JAKMIP1: variants seen among roughly 807,000 people sequenced by gnomAD.
The protein encoded by JAKMIP1 is janus kinase and microtubule interacting protein 1, also known as janus kinase and microtubule-interacting protein 1.
JAKMIP1 carries 33 observed loss-of-function variants against 113.0 expected under a neutral mutation model. That is an observed-to-expected ratio of 0.29 (90% CI 0.22 to 0.39). The LOEUF (loss-of-function observed/expected upper bound fraction) is 0.39. Among genes scored for constraint, JAKMIP1 ranks in the 10% least tolerant of loss-of-function variants. The pLI is 1.00. For synonymous variants in JAKMIP1, 480 were observed against 459.9 expected (o/e 1.04, Z -0.56); for missense variants, 813 against 1,080.5 (o/e 0.75, Z 3.47).
At position 6,102,985 on chromosome 4, in the gene JAKMIP1, G is replaced by A. The variant is rs1052555651; in HGVS notation, c.624+2488C>T. Among the ~76,000 whole-genome samples, 6 of 151,576 alleles carry A rather than the reference G, an allele frequency of 4.0e-5. No homozygotes were observed. The South Asian group carries it at 8.3e-4, about 21-fold the overall frequency. On this transcript the variant is annotated intron_variant, in intron 3 of 20. Coordinates refer to ENST00000409021, the MANE Select transcript of JAKMIP1 (RefSeq NM_001099433.2). ...CCTAAACTCGTGATCTGCCTGCCTC[G>A]GCCTCCCAATGAAACTTTTATTTAT...
intron 3 of JAKMIP1, among the ~76,000 whole-genome samples, chr4:6,102,297 TG>T (rs1713172052): frequency 1.3e-5 from 2 of 152,380 alleles, no homozygotes; most frequent in South Asian, 4.1e-4. Flanking sequence ...ATGTTCTGAA[TG>T]TGTCTCACAA....
chr4:6,083,241 A>G (rs1021266493), intron 5 of JAKMIP1, among the ~76,000 whole-genome samples: 9 of 151,978 alleles, frequency 5.9e-5, no homozygotes, highest in Non-Finnish European at 1.3e-4. Flanking sequence ...CATCTCTACT[A>G]AAAATACAAA....
Position 6,179,391 on chromosome 4 carries a change from C to A in JAKMIP1, c.-148+20862G>T, listed in dbSNP as rs1211067058. Among the ~76,000 whole-genome samples, 1 of 152,176 alleles carries A rather than the reference C, an allele frequency of 6.6e-6. No individual in the cohort carries two copies. Among genetic ancestry groups the A allele is most frequent in the Non-Finnish European group, 1.5e-5 (1 of 68,030 alleles). On this transcript the variant is annotated intron_variant, in intron 1 of 20. Coordinates refer to ENST00000409021, the MANE Select transcript of JAKMIP1 (RefSeq NM_001099433.2). The surrounding 1 kb of genome is among the most constrained non-coding windows in gnomAD (Gnocchi z 4.5). ...CTCAGTAAATGCAACAGCCAAGAGG[C>A]AGACTGGATGGAACAGGACAGGAAG...
chr4:6,034,906 ATG>A (rs773993241), intron 19 of JAKMIP1, among the ~76,000 whole-genome samples: 2 of 152,120 alleles, frequency 1.3e-5, no homozygotes, highest in African/African-American at 2.4e-5. Flanking sequence ...AGCCTCCATA[ATG>A]TGTGTGTGTG....
rs1726618192 is a variant in JAKMIP1, at chr4:6,186,009, AG to A, written c.-148+14243del. Among the ~76,000 whole-genome samples, 2 of 152,136 alleles carry A rather than the reference AG, an allele frequency of 1.3e-5. No homozygotes were observed. Among genetic ancestry groups the A allele is most frequent in the Admixed American group, 1.3e-4 (2 of 15,284 alleles). On this transcript the variant is annotated intron_variant, in intron 1 of 20. Transcript: ENST00000409021. This position sits in a 1 kb window ranked among gnomAD's most constrained non-coding sequence, Gnocchi z 5.5. ...ATTGTGCTGGACAATAAGAGGGAGA[AG>A]AGGGGCACTCCATTCAGTAATGGAG...
chr4:6,121,440 C>T (rs58609937), intron 1 of JAKMIP1, among the ~76,000 whole-genome samples: 4,993 of 152,254 alleles, frequency 0.033, 258 homozygotes, highest in African/African-American at 0.11. Context: ...TCTCACCTTC[C>T]GAAGAACGGT....
Position 6,136,611 on chromosome 4 carries a change from G to A in JAKMIP1, c.-147-23614C>T, listed in dbSNP as rs528358019. 6.6e-6 allele frequency among the ~76,000 whole-genome samples: 1 copy of A among 152,238 alleles called. No individual in the cohort carries two copies. Among genetic ancestry groups the A allele is most frequent in the South Asian group, 2.1e-4 (1 of 4,820 alleles). On this transcript the variant is annotated intron_variant, in intron 1 of 20. Coordinates refer to ENST00000409021, the MANE Select transcript of JAKMIP1 (RefSeq NM_001099433.2). The surrounding 1 kb of genome is among the most constrained non-coding windows in gnomAD (Gnocchi z 5.9). Reference sequence around the variant, plus strand: ...GGATGGCTCGTGTCACCTGCACCTTGCTCGACTATCCTTTTCTTGCCTACT... The same window carrying A: ...GGATGGCTCGTGTCACCTGCACCTTACTCGACTATCCTTTTCTTGCCTACT...
At chr4:6,039,235 G>A (rs1156653459) in intron 18 of JAKMIP1, among the ~76,000 whole-genome samples, 2 of 152,292 alleles carry the variant, frequency 1.3e-5, no homozygotes, top group African/African-American at 4.8e-5. Flanking sequence ...AAGGAAGGGT[G>A]GACCCCAAGG....
Position 6,136,547 on chromosome 4 carries a change from A to C in JAKMIP1, c.-147-23550T>G, listed in dbSNP as rs1719277221. Among the ~76,000 whole-genome samples, 1 of 152,250 alleles carries C rather than the reference A, an allele frequency of 6.6e-6. No homozygotes were observed. On this transcript the variant is annotated intron_variant, in intron 1 of 20. Transcript: ENST00000409021. The surrounding 1 kb of genome is among the most constrained non-coding windows in gnomAD (Gnocchi z 5.9). ...ATTTTGTATCTGAGACAATTTGGGC[A>C]CTGAGCGACTAAGTTCCTGTCCACG...
At chr4:6,043,425 C>T (rs1355929859) in intron 16 of JAKMIP1, among the ~76,000 whole-genome samples, 2 of 152,022 alleles carry the variant, frequency 1.3e-5, no homozygotes, top group Non-Finnish European at 2.9e-5. Flanking sequence ...CCTCGGCCTT[C>T]TCCACCTTAC....
intron 20 of JAKMIP1, among the ~76,000 whole-genome samples, chr4:6,029,083 A>G (rs1167028999): frequency 2.0e-5 from 3 of 152,200 alleles, no homozygotes; most frequent in Non-Finnish European, 4.4e-5. Flanking sequence ...GACCAATGTC[A>G]TATGGAGGGG....
At position 6,199,437 on chromosome 4, in the gene JAKMIP1, G is replaced by C. The variant is rs1030860661; in HGVS notation, c.-148+816C>G. ...GCGAAGGACCGAGGGGCTGGGAGGCGAGGCCGCAGCGCACTGACGCAGGCC... is the reference window on the plus strand; with the variant it reads ...GCGAAGGACCGAGGGGCTGGGAGGCCAGGCCGCAGCGCACTGACGCAGGCC... On this transcript the variant is annotated intron_variant, in intron 1 of 20. Transcript: ENST00000409021. This position sits in a 1 kb window ranked among gnomAD's most constrained non-coding sequence, Gnocchi z 5.6. Among the ~76,000 whole-genome samples, 1 of 152,178 alleles carries C rather than the reference G, an allele frequency of 6.6e-6. No homozygotes were observed. Among genetic ancestry groups the C allele is most frequent in the Non-Finnish European group, 1.5e-5 (1 of 68,012 alleles).
At chr4:6,165,232 T>C (rs1428158620) in intron 1 of JAKMIP1, among the ~76,000 whole-genome samples, 3 of 152,222 alleles carry the variant, frequency 2.0e-5, no homozygotes, top group African/African-American at 4.8e-5. Context: ...AAAAAGATTA[T>C]GTTGAAAGCT....
intron 1 of JAKMIP1, among the ~76,000 whole-genome samples, chr4:6,196,389 C>A (rs1727847610): frequency 6.6e-6 from 1 of 152,214 alleles, no homozygotes; most frequent in Non-Finnish European, 1.5e-5. Flanking sequence ...GCACAGTCCA[C>A]CTGGCCTCAG....
At chr4:6,148,955 ACAT>A (rs1209887556) in intron 1 of JAKMIP1, among the ~76,000 whole-genome samples, 3 of 152,212 alleles carry the variant, frequency 2.0e-5, no homozygotes, top group African/African-American at 4.8e-5. Flanking sequence ...GTCAAGAAAG[ACAT>A]CTGAGTTTCT....
At chr4:6,048,990 C>T in intron 15 of JAKMIP1, 68 bp from the exon 16 acceptor site, 1 of 1,196,552 alleles carries the variant, frequency 8.4e-7, no homozygotes, top group South Asian at 1.3e-5. Context: ...CAGTCAGCAC[C>T]AAGCAAGTTT....
chr4:6,141,355 G>A lies in JAKMIP1; in HGVS notation c.-147-28358C>T, dbSNP rs1720126400. ...ACAGGCTGAGGCAGGAGAATTGCTT[G>A]AACCCGGCAGGCAGAAGTTGCAGTG... On this transcript the variant is annotated intron_variant, in intron 1 of 20. Transcript: ENST00000409021. The surrounding 1 kb of genome is among the most constrained non-coding windows in gnomAD (Gnocchi z 9.4). 6.6e-6 allele frequency among the ~76,000 whole-genome samples: 1 copy of A among 151,708 alleles called. No individual in the cohort carries two copies.
At chr4:6,169,249 T>G (rs1395529439) in intron 1 of JAKMIP1, among the ~76,000 whole-genome samples, 2 of 152,162 alleles carry the variant, frequency 1.3e-5, no homozygotes, top group Non-Finnish European at 2.9e-5. Context: ...TATTTGTAAG[T>G]AGGGTTCCTG....
intron 5 of JAKMIP1, among the ~76,000 whole-genome samples, chr4:6,083,557 T>C (rs1414388683): frequency 6.6e-6 from 1 of 151,966 alleles, no homozygotes; most frequent in Non-Finnish European, 1.5e-5. Context: ...CTTATAAATA[T>C]TTAAATGAAG....
Sources: allele counts gnomAD v4.1 joint callset (sites outside exome capture counted in the v4.1 genomes callset), GRCh38; gene constraint gnomAD v4.1.1; non-coding constraint Gnocchi (gnomAD v3.1); transcripts MANE v1.5; gene names NCBI Gene and HGNC (gene_info 2026-07-23, HGNC 2026-07-21).